The following NRG3 variants were observed in gnomAD, a reference collection of about 807,000 sequenced individuals.
NRG3 encodes neuregulin 3.
Under a neutral mutation model 66.9 loss-of-function variants are expected in NRG3, and 31 were observed. The observed-to-expected ratio is 0.46, with a 90% CI of 0.35 to 0.63. NRG3 has a LOEUF of 0.63. Among genes scored for constraint, NRG3 ranks in the 20% least tolerant of loss-of-function variants. The probability of loss-of-function intolerance (pLI) is 0.00; values close to 1 mark genes in which losing one functional copy is unlikely to be tolerated. For synonymous variants in NRG3, 393 were observed against 359.4 expected (o/e 1.09, Z -1.06); for missense variants, 910 against 878.9 (o/e 1.04, Z -0.45).
chr10:82,807,345 G>A (rs902422046), intron 3 of NRG3, among the ~76,000 whole-genome samples: 4 of 152,130 alleles, frequency 2.6e-5, no homozygotes, highest in Non-Finnish European at 5.9e-5. Context: ...AACTTGCAAG[G>A]ACTCAATAAG....
intron 2 of NRG3, among the ~76,000 whole-genome samples, chr10:82,720,347 G>C (rs902127103): frequency 1.3e-4 from 20 of 151,678 alleles, no homozygotes. Flanking sequence ...CTGAGATTGC[G>C]CCACTGCACT....
At chr10:82,100,434 T>C (rs533845691) in intron 1 of NRG3, among the ~76,000 whole-genome samples, 1 of 152,240 alleles carries the variant, frequency 6.6e-6, no homozygotes, top group Admixed American at 6.5e-5. Flanking sequence ...TACGATGATG[T>C]ATAATGGACT....
At chr10:81,877,910 C>G in intron 1 of NRG3, 1 of 1,536,422 alleles carries the variant, frequency 6.5e-7, no homozygotes. Context: ...ATGAGTCTAC[C>G]CTGAAGACCC....
At chr10:82,627,552 A>C (rs753624375) in intron 2 of NRG3, among the ~76,000 whole-genome samples, 5 of 152,210 alleles carry the variant, frequency 3.3e-5, no homozygotes, top group Non-Finnish European at 7.4e-5. Context: ...TTCTGGAATT[A>C]GAATGATAAA....
intron 1 of NRG3, among the ~76,000 whole-genome samples, chr10:81,964,851 C>T (rs1485681086): frequency 6.6e-6 from 1 of 152,024 alleles, no homozygotes; most frequent in African/African-American, 2.4e-5. Context: ...CATATTTTTC[C>T]GTGCTTATTG....
intron 2 of NRG3, among the ~76,000 whole-genome samples, chr10:82,497,602 T>C (rs1055452512): frequency 5.3e-5 from 8 of 152,122 alleles, no homozygotes; most frequent in South Asian, 2.1e-4. Flanking sequence ...TGTGTGTGTG[T>C]GCGCATAAAA....
intron 1 of NRG3, among the ~76,000 whole-genome samples, chr10:81,916,573 G>A (rs1242083337): frequency 2.0e-5 from 3 of 152,148 alleles, no homozygotes; most frequent in African/African-American, 7.2e-5. Context: ...TCTCCTAAAA[G>A]CAGGTGAAAC....
chr10:82,167,774 T>C (rs1020671810), intron 1 of NRG3, among the ~76,000 whole-genome samples: 1 of 152,124 alleles, frequency 6.6e-6, no homozygotes, highest in Non-Finnish European at 1.5e-5. Flanking sequence ...GTGATTGTTT[T>C]TGTTTTTCTC....
At chr10:82,114,150 C>T (rs931107294) in intron 1 of NRG3, among the ~76,000 whole-genome samples, 1 of 152,118 alleles carries the variant, frequency 6.6e-6, no homozygotes, top group Non-Finnish European at 1.5e-5. Flanking sequence ...TCTATCATCA[C>T]TTTGTTCCTT....
chr10:82,593,358 A>G (rs2047090548), intron 2 of NRG3, among the ~76,000 whole-genome samples: 1 of 152,234 alleles, frequency 6.6e-6, no homozygotes, highest in Non-Finnish European at 1.5e-5. Flanking sequence ...ACCAACAAAC[A>G]AATATTATTT....
intron 1 of NRG3, among the ~76,000 whole-genome samples, chr10:81,944,250 A>G (rs1165217518): frequency 6.6e-6 from 1 of 152,248 alleles, no homozygotes; most frequent in East Asian, 1.9e-4. Flanking sequence ...CATAATATAC[A>G]AAGAGCAGCA....
rs549658386 is a variant in NRG3, at chr10:82,943,597, G to T, written c.1055-7872G>T. Reference sequence around the variant, plus strand: ...GTTCAACAAATAGATCAACATATTTGCATTTTCTCTCATTTTGTTCTCTTC... The same window carrying T: ...GTTCAACAAATAGATCAACATATTTTCATTTTCTCTCATTTTGTTCTCTTC... On this transcript the variant is annotated intron_variant, in intron 4 of 8. Coordinates refer to ENST00000372141, the MANE Select transcript of NRG3 (RefSeq NM_001010848.4). Among the ~76,000 whole-genome samples, 4 of 152,322 alleles carry T rather than the reference G, an allele frequency of 2.6e-5. No individual in the cohort carries two copies. In the East Asian group the frequency reaches 7.7e-4, roughly 29 times the overall value.
At chr10:81,974,428 A>T (rs2060043331) in intron 1 of NRG3, among the ~76,000 whole-genome samples, 1 of 152,134 alleles carries the variant, frequency 6.6e-6, no homozygotes, top group African/African-American at 2.4e-5. Context: ...AATCACTGAG[A>T]CAACAGTTTT....
rs1424752489 is a variant in NRG3, at chr10:82,016,963, C to T, written c.823+140800C>T. ...ATTTTTATTTTTTATACTTTAAGTT[C>T]TAGGGTACATGTGCACAACGTGCAC... On this transcript the variant is annotated intron_variant, in intron 1 of 8. Coordinates refer to ENST00000372141, the MANE Select transcript of NRG3 (RefSeq NM_001010848.4). Among the ~76,000 whole-genome samples the T allele has an allele frequency of 2.0e-5, 3 of 152,212 alleles. No individual in the cohort carries two copies. The East Asian group carries it at 5.8e-4, about 29-fold the overall frequency.
intron 2 of NRG3, among the ~76,000 whole-genome samples, chr10:82,644,844 C>G (rs1304390849): frequency 6.6e-6 from 1 of 152,106 alleles, no homozygotes; most frequent in Non-Finnish European, 1.5e-5. Context: ...TCCACTGAAA[C>G]ACATTTTTCC....
intron 2 of NRG3, among the ~76,000 whole-genome samples, chr10:82,497,073 C>T (rs888096370): frequency 1.3e-5 from 2 of 152,124 alleles, no homozygotes; most frequent in Admixed American, 6.6e-5. Context: ...TGGGTAAAAG[C>T]GTCAGGTTTT....
intron 2 of NRG3, among the ~76,000 whole-genome samples, chr10:82,616,187 A>AT (rs2048636845): frequency 6.6e-6 from 1 of 152,184 alleles, no homozygotes; most frequent in African/African-American, 2.4e-5. Flanking sequence ...AATTAAAATA[A>AT]TCTTCTTTTG....
intron 2 of NRG3, among the ~76,000 whole-genome samples, chr10:82,432,017 A>C (rs190511319): frequency 6.6e-6 from 1 of 152,316 alleles, no homozygotes; most frequent in East Asian, 1.9e-4. Context: ...GGTTTATAGC[A>C]TATTTTTTAA....
At chr10:82,799,139 C>A (rs1221994214) in intron 3 of NRG3, among the ~76,000 whole-genome samples, 1 of 152,140 alleles carries the variant, frequency 6.6e-6, no homozygotes, top group Non-Finnish European at 1.5e-5. Flanking sequence ...AGTATATCAG[C>A]ATGATAGAGT....
Sources: gnomAD v4.1 joint callset for allele counts (sites outside exome capture counted in the v4.1 genomes callset) on GRCh38, gnomAD v4.1.1 for gene constraint, MANE v1.5 for transcripts, NCBI Gene and HGNC (gene_info 2026-07-23, HGNC 2026-07-21) for gene names.